The following ARHGEF26 variants were observed in gnomAD, a reference collection of about 807,000 sequenced individuals.
ARHGEF26 encodes the protein Rho guanine nucleotide exchange factor (GEF) 26.
Under a neutral mutation model 89.4 loss-of-function variants are expected in ARHGEF26, and 59 were observed. The ratio of observed to expected loss-of-function variants is 0.66; its 90% confidence interval spans 0.54 to 0.82. ARHGEF26 has a LOEUF of 0.82. ARHGEF26 is among the 40% of genes least tolerant of loss of function. ARHGEF26 has a pLI of 0.00. For missense variants in ARHGEF26, 1,234 were observed against 1,085.6 expected, an observed-to-expected ratio of 1.14 and a Z score of -1.92; for synonymous variants, 500 against 428.4, an observed-to-expected ratio of 1.17 and a Z score of -2.06.
At chr3:154,225,668 C>G (rs1347537487) in intron 10 of ARHGEF26, 188 bp from the exon 11 acceptor site, 1 of 467,998 alleles carries the variant, frequency 2.1e-6, no homozygotes, top group East Asian at 3.5e-5. Flanking sequence ...ATATATTGTT[C>G]TTTTTCATTT....
chr3:154,135,530 T>G (rs1213662687), intron 4 of ARHGEF26, among the ~76,000 whole-genome samples: 1 of 152,116 alleles, frequency 6.6e-6, no homozygotes, highest in Non-Finnish European at 1.5e-5. Flanking sequence ...AAAAGTAAGT[T>G]TTGACCCCTG....
intron 9 of ARHGEF26, among the ~76,000 whole-genome samples, chr3:154,212,352 A>G (rs899983881): frequency 6.6e-6 from 1 of 152,162 alleles, no homozygotes; most frequent in Non-Finnish European, 1.5e-5. Context: ...AAAAAAAAAA[A>G]AAAGGGAAAA....
chr3:154,177,975 G>T (rs189462421), intron 6 of ARHGEF26, among the ~76,000 whole-genome samples: 3 of 152,280 alleles, frequency 2.0e-5, no homozygotes, highest in African/African-American at 7.2e-5. Flanking sequence ...GGAGGCCGAG[G>T]CAGGCAGATC....
At chr3:154,205,721 C>A (rs574527872) in intron 9 of ARHGEF26, among the ~76,000 whole-genome samples, 9 of 152,166 alleles carry the variant, frequency 5.9e-5, no homozygotes, top group African/African-American at 2.2e-4. Context: ...ACAATAACAG[C>A]ACTATTTGCA....
At chr3:154,123,146 G>T in intron 2 of ARHGEF26, 71 bp downstream of exon 2, 1 of 1,569,834 alleles carries the variant, frequency 6.4e-7, no homozygotes, top group Non-Finnish European at 8.7e-7. Context: ...TGGGGAGGAG[G>T]AGCGTAGAGG....
At position 154,150,113 on chromosome 3, in the gene ARHGEF26, T is replaced by C. The variant is rs373663202; in HGVS notation, c.1326+668T>C. 3.4e-5 allele frequency among the ~76,000 whole-genome samples: 5 copies of C among 146,704 alleles called. No homozygotes were observed. The South Asian group carries it at 6.7e-4, about 20-fold the overall frequency. On this transcript the variant is annotated intron_variant, in intron 5 of 14. Coordinates refer to ENST00000465093, the MANE Select transcript of ARHGEF26 (RefSeq NM_015595.4). ...ATGCATATACATACATATAAATTGATTCCACAAAGGACCCAAGGATGTCCT... is the reference window on the plus strand; with the variant it reads ...ATGCATATACATACATATAAATTGACTCCACAAAGGACCCAAGGATGTCCT...
intron 9 of ARHGEF26, among the ~76,000 whole-genome samples, chr3:154,207,264 TTAAAC>T (rs1433121633): frequency 6.6e-6 from 1 of 152,086 alleles, no homozygotes; most frequent in Non-Finnish European, 1.5e-5. Flanking sequence ...TGAGATCTAA[TTAAAC>T]TAAAGAGCTT....
chr3:154,154,475 G>A (rs1459948881), intron 6 of ARHGEF26, among the ~76,000 whole-genome samples: 1 of 151,880 alleles, frequency 6.6e-6, no homozygotes, highest in East Asian at 1.9e-4. Context: ...TATTAAATAG[G>A]TACTTTTTTA....
At chr3:154,184,882 C>T (rs1339785919) in intron 6 of ARHGEF26, among the ~76,000 whole-genome samples, 1 of 152,180 alleles carries the variant, frequency 6.6e-6, no homozygotes, top group Non-Finnish European at 1.5e-5. Flanking sequence ...CAAGCTCAGC[C>T]CTGCTCTGCA....
At chr3:154,223,072 A>G (rs932633444) in intron 10 of ARHGEF26, among the ~76,000 whole-genome samples, 1 of 152,194 alleles carries the variant, frequency 6.6e-6, no homozygotes, top group African/African-American at 2.4e-5. Context: ...AGAGTTGGGA[A>G]GAATTTTGTT....
At chr3:154,138,958 A>T (rs1038250103) in intron 4 of ARHGEF26, among the ~76,000 whole-genome samples, 2 of 152,208 alleles carry the variant, frequency 1.3e-5, no homozygotes, top group African/African-American at 4.8e-5. Flanking sequence ...AAAGCTGTGA[A>T]TGACTTACTG....
chr3:154,245,602 A>G (rs1203952476), intron 12 of ARHGEF26, among the ~76,000 whole-genome samples: 1 of 152,154 alleles, frequency 6.6e-6, no homozygotes, highest in East Asian at 1.9e-4. Context: ...AGTACTGCAC[A>G]CTGCAGTCTC....
intron 6 of ARHGEF26, among the ~76,000 whole-genome samples, chr3:154,158,114 A>G (rs1218981122): frequency 6.6e-6 from 1 of 152,208 alleles, no homozygotes; most frequent in East Asian, 1.9e-4. Context: ...TTAGTAGGAC[A>G]GTCCCAGATA....
chr3:154,135,559 A>G (rs995727213), intron 4 of ARHGEF26, among the ~76,000 whole-genome samples: 8 of 152,154 alleles, frequency 5.3e-5, no homozygotes, highest in Admixed American at 2.6e-4. Context: ...CTGGAACTCT[A>G]CTCAGAGACA....
At chr3:154,157,530 A>G (rs1430347252) in intron 6 of ARHGEF26, among the ~76,000 whole-genome samples, 2 of 152,102 alleles carry the variant, frequency 1.3e-5, no homozygotes, top group Admixed American at 1.3e-4. Flanking sequence ...CATTGTAGAG[A>G]ACAGTATGGT....
rs80303094 is a variant in ARHGEF26, at chr3:154,239,812, G to A, written c.2091-558G>A. On this transcript the variant is annotated intron_variant, in intron 11 of 14. Coordinates refer to ENST00000465093, the MANE Select transcript of ARHGEF26 (RefSeq NM_015595.4). ...GGGGTTCCTGAGCCTAAGCAGGAAT[G>A]GAGGGCATAATGAGATTAGTCCTGG... Among the ~76,000 whole-genome samples, 46 of 152,264 alleles carry A rather than the reference G, an allele frequency of 3.0e-4. 1 individual carries two copies. The East Asian group carries it at 7.9e-3, about 26-fold the overall frequency.
intron 1 of ARHGEF26, 78 bp from the exon 2 acceptor site, chr3:154,121,864 C>A: frequency 7.6e-7 from 1 of 1,319,096 alleles, no homozygotes; most frequent in Non-Finnish European, 1.0e-6. Context: ...AGGGGGACCG[C>A]CGGTCTGGGA....
At chr3:154,215,267 T>G (rs1232362574) in intron 9 of ARHGEF26, among the ~76,000 whole-genome samples, 1 of 152,178 alleles carries the variant, frequency 6.6e-6, no homozygotes, top group African/African-American at 2.4e-5. Context: ...AACCATCTTA[T>G]CATTTAGTAG....
chr3:154,121,315 T>A (rs569605206), upstream of ARHGEF26: 1 of 148,916 alleles, frequency 6.7e-6, no homozygotes, highest in Non-Finnish European at 1.5e-5. Context: ...TGCTTCTGGC[T>A]GCGATGGAGG....
Sources: gnomAD v4.1 joint callset for allele counts (sites outside exome capture counted in the v4.1 genomes callset) on GRCh38, gnomAD v4.1.1 for gene constraint, MANE v1.5 for transcripts, NCBI Gene and HGNC (gene_info 2026-07-23, HGNC 2026-07-21) for gene names.